The following MAGI1 variants were observed in gnomAD, a reference collection of about 807,000 sequenced individuals.
MAGI1 encodes membrane associated guanylate kinase, WW and PDZ domain containing 1, also known as membrane-associated guanylate kinase, WW and PDZ domain-containing protein 1.
In MAGI1, 58 loss-of-function variants were observed where a neutral mutation model predicts 139.9. That is an observed-to-expected ratio of 0.41 (90% CI 0.34 to 0.52). MAGI1 has a LOEUF of 0.52. Among genes scored for constraint, MAGI1 ranks in the 20% least tolerant of loss-of-function variants. The pLI is 0.12. For synonymous variants in MAGI1, 812 were observed against 737.9 expected (o/e 1.10, Z -1.63); for missense variants, 1,874 against 1,901.6 (o/e 0.99, Z 0.27).
At chr3:65,724,927 C>T (rs191902562) in intron 1 of MAGI1, among the ~76,000 whole-genome samples, 78 of 152,180 alleles carry the variant, frequency 5.1e-4, no homozygotes, top group African/African-American at 1.8e-3. Context: ...CCACAACACT[C>T]GGGGGTTATG....
At chr3:65,548,617 G>C (rs979443243) in intron 2 of MAGI1, among the ~76,000 whole-genome samples, 3 of 143,516 alleles carry the variant, frequency 2.1e-5, no homozygotes, top group Non-Finnish European at 4.5e-5. Context: ...CTGCCTCCCA[G>C]GTTCAAGCTA....
chr3:65,400,533 G>A (rs1944780890), intron 13 of MAGI1, among the ~76,000 whole-genome samples: 1 of 151,976 alleles, frequency 6.6e-6, no homozygotes, highest in Admixed American at 6.6e-5. Flanking sequence ...TTATCCTAAT[G>A]TTAATGAATT....
At chr3:65,688,080 C>T (rs2088219849) in intron 1 of MAGI1, 2 of 761,304 alleles carry the variant, frequency 2.6e-6, no homozygotes, top group Admixed American at 3.6e-5. Context: ...CAACAGACAG[C>T]CTTTGGCCCT....
chr3:65,880,586 G>A (rs1370605952), intron 1 of MAGI1, among the ~76,000 whole-genome samples: 1 of 152,042 alleles, frequency 6.6e-6, no homozygotes, highest in Non-Finnish European at 1.5e-5. Flanking sequence ...AGATGAGGTG[G>A]GAGAATCAGC....
chr3:65,395,569 G>A (rs1944313087), intron 13 of MAGI1, among the ~76,000 whole-genome samples: 2 of 139,330 alleles, frequency 1.4e-5, no homozygotes, highest in Non-Finnish European at 1.5e-5. Context: ...TTGGAAAGGT[G>A]GAGCTTCCAG....
intron 1 of MAGI1, among the ~76,000 whole-genome samples, chr3:65,641,580 G>A (rs1199085545): frequency 6.6e-6 from 1 of 152,148 alleles, no homozygotes; most frequent in Non-Finnish European, 1.5e-5. Flanking sequence ...AATCTCCTAA[G>A]ATGAAGTGCC....
intron 1 of MAGI1, among the ~76,000 whole-genome samples, chr3:65,716,523 G>A (rs2032270762): frequency 6.6e-6 from 1 of 152,206 alleles, no homozygotes; most frequent in South Asian, 2.1e-4. Context: ...AGAGTGGTAG[G>A]AACAGTGGGG....
At chr3:65,422,698 C>G (rs1436676164) in intron 12 of MAGI1, among the ~76,000 whole-genome samples, 1 of 152,024 alleles carries the variant, frequency 6.6e-6, no homozygotes, top group Non-Finnish European at 1.5e-5. Flanking sequence ...CGAGAACAGA[C>G]AGTGATCGTG....
chr3:65,855,169 T>G (rs1252758503), intron 1 of MAGI1, among the ~76,000 whole-genome samples: 1 of 151,962 alleles, frequency 6.6e-6, no homozygotes, highest in Non-Finnish European at 1.5e-5. Flanking sequence ...GCAGACAGGA[T>G]GTGCTCATTA....
intron 2 of MAGI1, among the ~76,000 whole-genome samples, chr3:65,581,673 A>G (rs1355874085): frequency 6.6e-6 from 1 of 152,108 alleles, no homozygotes; most frequent in African/African-American, 2.4e-5. Flanking sequence ...CAAACATCAC[A>G]TTCCTAATTA....
chr3:65,832,180 C>G (rs1478192941), intron 1 of MAGI1, among the ~76,000 whole-genome samples: 1 of 152,176 alleles, frequency 6.6e-6, no homozygotes, highest in Admixed American at 6.5e-5. Flanking sequence ...CAGCATAAAT[C>G]ACAGTGCAGA....
At chr3:65,880,692 T>C (rs565478766) in intron 1 of MAGI1, among the ~76,000 whole-genome samples, 1 of 152,000 alleles carries the variant, frequency 6.6e-6, no homozygotes, top group Non-Finnish European at 1.5e-5. Flanking sequence ...GAGAACATCC[T>C]CACTAGCCCA....
At chr3:65,967,464 C>T (rs1015575538) in intron 1 of MAGI1, among the ~76,000 whole-genome samples, 2 of 152,126 alleles carry the variant, frequency 1.3e-5, no homozygotes, top group Non-Finnish European at 2.9e-5. Flanking sequence ...TGCCTCCCCT[C>T]CAAAAAGTAA....
chr3:65,518,331 C>G (rs777898256), intron 2 of MAGI1, among the ~76,000 whole-genome samples: 3 of 152,128 alleles, frequency 2.0e-5, no homozygotes, highest in Non-Finnish European at 4.4e-5. Flanking sequence ...TTCTTATTCA[C>G]CATAATATTA....
intron 3 of MAGI1, among the ~76,000 whole-genome samples, chr3:65,492,906 G>A (rs1483934173): frequency 6.6e-6 from 1 of 151,918 alleles, no homozygotes; most frequent in Non-Finnish European, 1.5e-5. Flanking sequence ...GTGAAACCCT[G>A]TCTCTACTAA....
chr3:65,532,396 C>T (rs1032928648), intron 2 of MAGI1, among the ~76,000 whole-genome samples: 1 of 152,214 alleles, frequency 6.6e-6, no homozygotes, highest in African/African-American at 2.4e-5. Flanking sequence ...TTCTCCCGTG[C>T]TTTCGAACAC....
chr3:65,784,216 T>C (rs533801869), intron 1 of MAGI1, among the ~76,000 whole-genome samples: 1 of 152,278 alleles, frequency 6.6e-6, no homozygotes, highest in South Asian at 2.1e-4. Context: ...GTACAGCCAC[T>C]TTGGAAAACA....
At chr3:65,942,945 C>T (rs1341683229) in intron 1 of MAGI1, among the ~76,000 whole-genome samples, 1 of 152,098 alleles carries the variant, frequency 6.6e-6, no homozygotes, top group Non-Finnish European at 1.5e-5. Flanking sequence ...CCCTTGAACT[C>T]GGGAGGTGGA....
chr3:65,750,357 T>A (rs1378694383), intron 1 of MAGI1, among the ~76,000 whole-genome samples: 1 of 152,126 alleles, frequency 6.6e-6, no homozygotes. Context: ...GAGAAAGGGA[T>A]CTTTAATGAT....
Sources: gnomAD v4.1 joint callset for allele counts (sites outside exome capture counted in the v4.1 genomes callset) on GRCh38, gnomAD v4.1.1 for gene constraint, MANE v1.5 for transcripts, NCBI Gene and HGNC (gene_info 2026-07-23, HGNC 2026-07-21) for gene names.